Variants in DAB2 observed in about 807,000 individuals in gnomAD.
DAB2 encodes DAB adaptor protein 2.
A neutral mutation model predicts 71.6 loss-of-function variants in DAB2; 28 were observed. The observed-to-expected ratio is 0.39, with a 90% confidence interval of 0.29 to 0.54. DAB2 has a LOEUF of 0.54. Among genes scored for constraint, DAB2 ranks in the 20% least tolerant of loss-of-function variants. The probability of loss-of-function intolerance (pLI) is 0.68; values close to 1 mark genes in which losing one functional copy is unlikely to be tolerated. For synonymous variants in DAB2, 345 were observed against 339.7 expected (o/e 1.02, Z -0.17); for missense variants, 867 against 928.8 (o/e 0.93, Z 0.86).
chr5:39,397,461 A>G (rs1396909498), intron 1 of DAB2, among the ~76,000 whole-genome samples: 1 of 152,102 alleles, frequency 6.6e-6, no homozygotes, highest in African/African-American at 2.4e-5. Flanking sequence ...CCCAGTGATG[A>G]CTTGATCTTC....
intron 1 of DAB2, among the ~76,000 whole-genome samples, chr5:39,396,852 T>G (rs1755379610): frequency 6.6e-6 from 1 of 152,138 alleles, no homozygotes; most frequent in Non-Finnish European, 1.5e-5. Flanking sequence ...AGAGGAAAAG[T>G]TGAAAGGTGT....
At position 39,375,081 on chromosome 5, in the gene DAB2, C is replaced by T. The variant is rs1359031772; in HGVS notation, c.2251G>A (p.Ala751Thr). 3 of 1,606,544 alleles carry T rather than the reference C, an allele frequency of 1.9e-6. No individual in the cohort carries two copies. Among genetic ancestry groups the T allele is most frequent in the Non-Finnish European group, 2.6e-6 (3 of 1,175,454 alleles). The change falls in exon 14 of 15, where the codon GCT (alanine) becomes ACT (threonine). Residue 751 changes from alanine (A) to threonine (T), a missense_variant. Ala to Thr is a moderately conservative substitution (Grantham distance 58). This residue lies in a region of DAB2 where 740 missense variants were observed against 734.3 expected (regional missense o/e 1.01). Transcript: ENST00000320816. Reference protein sequence around the residue: ...DSFGSSQASVASSQPVSSEMY... With the variant: ...DSFGSSQASVTSSQPVSSEMY... ...TCAGAAGATACAGGTTGAGAAGAAG[C>T]CACCTAAGAAGATAAAATCATCTAG...
chr5:39,401,636 T>C (rs2112080365), intron 1 of DAB2, among the ~76,000 whole-genome samples: 1 of 152,340 alleles, frequency 6.6e-6, no homozygotes, highest in South Asian at 2.1e-4. Flanking sequence ...AGAACTTACA[T>C]AGCGACAGCT....
chr5:39,388,876 G>A, intron 7 of DAB2, 24 bp from the exon 8 acceptor site: 3 of 1,591,534 alleles, frequency 1.9e-6, no homozygotes, highest in Non-Finnish European at 2.6e-6. Flanking sequence ...AAATATTTAA[G>A]GATTTAGTTG....
chr5:39,398,907 T>A lies in DAB2; in HGVS notation c.-101-4486A>T, dbSNP rs531312938. 1.2e-3 allele frequency among the ~76,000 whole-genome samples: 187 copies of A among 152,306 alleles called. 1 individual carries two copies. Among genetic ancestry groups the A allele is most frequent in the Admixed American group, 3.8e-3 (58 of 15,306 alleles). On this transcript the variant is annotated intron_variant, in intron 1 of 14. Coordinates refer to ENST00000320816, the MANE Select transcript of DAB2 (RefSeq NM_001343.4). ...AGAATAATTGGTTTAAACTTAATAG[T>A]CAATATTCAAATGTAATGCATTTGA...
intron 1 of DAB2, among the ~76,000 whole-genome samples, chr5:39,404,771 G>A (rs1190367836): frequency 6.6e-6 from 1 of 152,072 alleles, no homozygotes; most frequent in African/African-American, 2.4e-5. Context: ...TAGAGACAGG[G>A]TCTCACTATG....
chr5:39,375,823 T>A (rs1428568638), intron 13 of DAB2, among the ~76,000 whole-genome samples, 174 bp downstream of exon 13: 1 of 152,068 alleles, frequency 6.6e-6, no homozygotes, highest in Non-Finnish European at 1.5e-5. Context: ...GAAGTGGAGG[T>A]TGCAGTGAGC....
At chr5:39,408,835 T>G (rs10035279) in intron 1 of DAB2, 47,566 of 151,944 alleles carry the variant, frequency 0.31, 7,939 homozygotes, top group African/African-American at 0.42. Flanking sequence ...GCAGTTTGTT[T>G]CCTAGAATAT....
At chr5:39,385,622 C>A (rs1456595504) in intron 9 of DAB2, among the ~76,000 whole-genome samples, 1 of 152,166 alleles carries the variant, frequency 6.6e-6, no homozygotes, top group Non-Finnish European at 1.5e-5. Flanking sequence ...GAGCCGCACG[C>A]ACTGGAGACA....
chr5:39,393,647 G>A (rs1306923393), intron 2 of DAB2, among the ~76,000 whole-genome samples: 1 of 151,964 alleles, frequency 6.6e-6, no homozygotes, highest in East Asian at 1.9e-4. Flanking sequence ...GGAAACGTAT[G>A]GGAATATGGG....
At chr5:39,382,359 G>A (rs1336022238) in intron 10 of DAB2, among the ~76,000 whole-genome samples, 1 of 152,266 alleles carries the variant, frequency 6.6e-6, no homozygotes, top group East Asian at 1.9e-4. Context: ...CATTAAAAAT[G>A]GAAAAACTTG....
chr5:39,420,856 G>A (rs1242097677), intron 1 of DAB2, among the ~76,000 whole-genome samples: 2 of 152,174 alleles, frequency 1.3e-5, no homozygotes, highest in Non-Finnish European at 2.9e-5. Flanking sequence ...CAGGGTAGAA[G>A]GATGCGGGAA....
rs756253628 is a variant in DAB2, at chr5:39,382,848, T to A, written c.1111A>T (p.Thr371Ser). The change falls in exon 10 of 15, where the codon ACC (threonine) becomes TCC (serine). Residue 371 changes from threonine (T) to serine (S), a missense_variant. Transcript: ENST00000320816. The part of the protein sequence containing the change: ...AGPWPFSSSQ[T>S]QPAVRTQNGV... ...TTTTGAGTTCTCACTGCTGGCTGGG[T>A]TTGCGAACTTGAAAAGGGCCATGGG... 3 of 1,614,108 alleles carry A rather than the reference T, an allele frequency of 1.9e-6. No individual in the cohort carries two copies. Among genetic ancestry groups the A allele is most frequent in the Non-Finnish European group, 2.5e-6 (3 of 1,180,038 alleles).
In DAB2 at chr5:39,404,182, C is replaced by G. The variant is rs552687647; in HGVS notation, c.-101-9761G>C. The stretch of plus-strand genomic sequence containing the variant: ...GAGTCAATGTTCTCACTCATAGGTG[C>G]GAATTGAACAATGAGAGCACATGGA... On this transcript the variant is annotated intron_variant, in intron 1 of 14. Transcript: ENST00000320816. Among the ~76,000 whole-genome samples, 14 of 136,552 alleles carry G rather than the reference C, an allele frequency of 1.0e-4. No homozygotes were observed. The East Asian group carries it at 3.0e-3, about 29-fold the overall frequency. 89.6% of individuals were successfully genotyped at this position (136,552 alleles called of 152,430 possible). A position where few individuals can be genotyped will look rare whatever the true frequency, so the allele number is the denominator to read the frequency against.
At chr5:39,414,314 G>A (rs938176820) in intron 1 of DAB2, among the ~76,000 whole-genome samples, 1 of 152,118 alleles carries the variant, frequency 6.6e-6, no homozygotes, top group Non-Finnish European at 1.5e-5. Flanking sequence ...GATTTGGGCA[G>A]AAATTGTGTT....
Position 39,383,645 on chromosome 5 carries a change from T to C in DAB2, c.688-374A>G, listed in dbSNP as rs554656508. ...AAAGGGAATTGATTGTGAGTCACTA[T>C]AAATGATTATCAAAGTATGTTGAGC... is the stretch of plus-strand genomic sequence containing the variant. On this transcript the variant is annotated intron_variant, in intron 9 of 14. Coordinates refer to ENST00000320816, the MANE Select transcript of DAB2 (RefSeq NM_001343.4). Among the ~76,000 whole-genome samples the C allele has an allele frequency of 2.2e-4, 33 of 152,342 alleles. No homozygotes were observed. In the South Asian group the frequency reaches 5.8e-3, roughly 27 times the overall value.
At chr5:39,412,282 A>G (rs1755748767) in intron 1 of DAB2, among the ~76,000 whole-genome samples, 1 of 152,144 alleles carries the variant, frequency 6.6e-6, no homozygotes, top group Non-Finnish European at 1.5e-5. Context: ...AGACACTGAC[A>G]GCCTTTTTTG....
Position 39,388,847 on chromosome 5 carries a change from C to T in DAB2, c.576G>A (p.Gly192=), listed in dbSNP as rs376030206. 2.9e-5 allele frequency: 46 copies of T among 1,612,296 alleles called. No individual in the cohort carries two copies. The highest frequency in any genetic ancestry group is 6.6e-5 in the South Asian group (6 of 90,996). ...CATCTAGAATCATTAGGGCCTCACT[C>T]CCATTCTGAAAAGATAGCAAATATT... ...IEEASKAVEN[G]SEALMILDDQ... Residue 192 remains glycine (G), a synonymous_variant, in exon 8 of 15, where the codon GGG becomes GGA. Transcript: ENST00000320816.
Position 39,376,955 on chromosome 5 carries a change from A to G in DAB2, c.1832T>C (p.Met611Thr), listed in dbSNP as rs1754847539. 3 of 1,614,146 alleles carry G rather than the reference A, an allele frequency of 1.9e-6. No homozygotes were observed. Among genetic ancestry groups the G allele is most frequent in the Non-Finnish European group, 2.5e-6 (3 of 1,180,006 alleles). Residue 611 changes from methionine to threonine, a missense_variant, in exon 12 of 15, where the codon ATG becomes ACG. By Grantham distance (81) the Met-to-Thr change is moderately conservative. This residue lies in a region of DAB2 where 740 missense variants were observed against 734.3 expected (regional missense o/e 1.01). Coordinates refer to ENST00000320816, the MANE Select transcript of DAB2 (RefSeq NM_001343.4). ...AGGAGTGACCAGGAGAGAGGAGTGC[A>G]TGGATGGGGGCTGAGTGGACACAGC... The part of the protein sequence containing the change: ...APAVSTQPPS[M>T]HSSLLVTPPQ...
Sources: gnomAD v4.1 joint callset for allele counts (sites outside exome capture counted in the v4.1 genomes callset) on GRCh38, gnomAD v4.1.1 for gene constraint, gnomAD v4.1.1 regional missense constraint, MANE v1.5 for transcripts, NCBI Gene and HGNC (gene_info 2026-07-23, HGNC 2026-07-21) for gene names.